The following HYAL4 variants were observed in gnomAD, a reference collection of about 807,000 sequenced individuals.
HYAL4 encodes the protein hyaluronidase 4, also known as hyaluronidase-4.
Under a neutral mutation model 35.2 loss-of-function variants are expected in HYAL4, and 37 were observed. That is an observed-to-expected ratio of 1.05 (90% CI 0.81 to 1.38). The LOEUF is 1.38. HYAL4 is among the 40% of genes most tolerant of loss of function. The probability of loss-of-function intolerance (pLI) is 0.00; values close to 1 mark genes in which losing one functional copy is unlikely to be tolerated. For synonymous variants in HYAL4, 198 were observed against 203.2 expected (o/e 0.97, Z 0.22); for missense variants, 572 against 572.4 (o/e 1.00, Z 0.01).
chr7:123,870,771 A>G (rs1011792647), intron 3 of HYAL4, among the ~76,000 whole-genome samples: 11 of 152,012 alleles, frequency 7.2e-5, no homozygotes, highest in African/African-American at 2.7e-4. Context: ...AAAAAAAAAA[A>G]AAAGAAAGAA....
the HYAL4 span, among the ~76,000 whole-genome samples, chr7:123,801,999 T>G: frequency 1.3e-5 from 2 of 152,144 alleles, no homozygotes; most frequent in East Asian, 3.9e-4. Flanking sequence ...AAAACACTTT[T>G]ATCTTTTCTT....
chr7:123,788,485 T>A, the HYAL4 span, among the ~76,000 whole-genome samples: 2 of 152,200 alleles, frequency 1.3e-5, no homozygotes, highest in Non-Finnish European at 2.9e-5. Context: ...TATGCTAAAT[T>A]GAAATTTTAA....
At chr7:123,764,015 C>T in the HYAL4 span, among the ~76,000 whole-genome samples, 1 of 152,218 alleles carries the variant, frequency 6.6e-6, no homozygotes, top group Admixed American at 6.5e-5. Context: ...GACAGTTTCA[C>T]TCCAATGCCC....
the HYAL4 span, among the ~76,000 whole-genome samples, chr7:123,782,259 C>G: frequency 6.6e-6 from 1 of 152,168 alleles, no homozygotes; most frequent in Non-Finnish European, 1.5e-5. Flanking sequence ...AATCATCTTC[C>G]TAACTGCTAA....
chr7:123,807,680 A>T, the HYAL4 span, among the ~76,000 whole-genome samples: 4 of 151,178 alleles, frequency 2.6e-5, no homozygotes, highest in African/African-American at 9.7e-5. Context: ...AACTTAGGTG[A>T]TCCACCTGCC....
chr7:123,784,150 A>G, the HYAL4 span, among the ~76,000 whole-genome samples: 12 of 152,216 alleles, frequency 7.9e-5, no homozygotes, highest in Non-Finnish European at 1.6e-4. Context: ...CTGGTATTTT[A>G]AAGTACGTCT....
At chr7:123,826,432 A>G (rs1239174737), upstream of HYAL4, among the ~76,000 whole-genome samples, 2 of 152,172 alleles carry the variant, frequency 1.3e-5, no homozygotes, top group Non-Finnish European at 2.9e-5. Flanking sequence ...GTGAAAGCCA[A>G]TGCCAAAATG....
chr7:123,841,254 T>C (rs1057468986), upstream of HYAL4, among the ~76,000 whole-genome samples: 35 of 151,990 alleles, frequency 2.3e-4, no homozygotes, highest in African/African-American at 8.2e-4. Flanking sequence ...ATCATATGGT[T>C]TTTGTCATTG....
At chr7:123,797,284 A>G in the HYAL4 span, among the ~76,000 whole-genome samples, 2 of 152,230 alleles carry the variant, frequency 1.3e-5, no homozygotes, top group Non-Finnish European at 2.9e-5. Flanking sequence ...AAGGTCTTCT[A>G]TTCTCTCATT....
intron 4 of HYAL4, among the ~76,000 whole-genome samples, chr7:123,875,315 A>T (rs1223791780): frequency 1.3e-5 from 2 of 152,188 alleles, no homozygotes; most frequent in Non-Finnish European, 2.9e-5. Context: ...TTAATTCTCC[A>T]CAATGAAGTT....
chr7:123,794,412 C>T, the HYAL4 span, among the ~76,000 whole-genome samples: 2 of 152,196 alleles, frequency 1.3e-5, no homozygotes, highest in African/African-American at 2.4e-5. Context: ...CAGGGCATGT[C>T]GAGACCTTTG....
At chr7:123,775,478 A>G in the HYAL4 span, among the ~76,000 whole-genome samples, 1 of 152,132 alleles carries the variant, frequency 6.6e-6, no homozygotes, top group Non-Finnish European at 1.5e-5. Context: ...GAGAGTTCCT[A>G]TTTTATATTC....
chr7:123,793,002 G>T, the HYAL4 span, among the ~76,000 whole-genome samples: 1 of 152,164 alleles, frequency 6.6e-6, no homozygotes, highest in Admixed American at 6.5e-5. Context: ...CCCTAGACTG[G>T]TGTGTGGATG....
intron 2 of HYAL4, among the ~76,000 whole-genome samples, chr7:123,849,286 C>CCTCTCT (rs554512342): frequency 1.4e-5 from 2 of 146,278 alleles, no homozygotes; most frequent in East Asian, 2.0e-4. Flanking sequence ...TCTCTCTCTC[C>CCTCTCT]CTCTCTCTCT....
chr7:123,829,741 A>G (rs903850164), intron 1 of HYAL4, among the ~76,000 whole-genome samples: 1 of 152,138 alleles, frequency 6.6e-6, no homozygotes, highest in Non-Finnish European at 1.5e-5. Flanking sequence ...CTGAGGTGGG[A>G]GGATCATTGA....
chr7:123,849,760 A>G (rs943180992), intron 2 of HYAL4, among the ~76,000 whole-genome samples: 2 of 152,084 alleles, frequency 1.3e-5, no homozygotes, highest in Non-Finnish European at 2.9e-5. Flanking sequence ...CCAGCTACTC[A>G]GGAGGCTGAG....
chr7:123,768,169 TCATC>T, the HYAL4 span, among the ~76,000 whole-genome samples: 2 of 152,310 alleles, frequency 1.3e-5, no homozygotes, highest in African/African-American at 4.8e-5. Context: ...GGCAGCCACT[TCATC>T]CATCCAGAAT....
the HYAL4 span, among the ~76,000 whole-genome samples, chr7:123,807,641 A>C: frequency 6.6e-6 from 1 of 151,646 alleles, no homozygotes; most frequent in Non-Finnish European, 1.5e-5. Context: ...GGTTTTCACC[A>C]TGTTGGTTAG....
chr7:123,877,047 C>T lies in HYAL4; in HGVS notation c.1338C>T (p.Cys446=). ...HCYQGYEGAD[C]REIKTADGCS... ...ATCAGGGATATGAAGGAGCTGATTG[C>T]AGAGAAATAAAGACGGCTGATGGCT... Residue 446 remains cysteine (C), a synonymous_variant, in exon 5 of 5, where the codon TGC becomes TGT. Transcript: ENST00000223026. The T allele has an allele frequency of 6.2e-7, 1 of 1,614,188 alleles. No homozygotes were observed. The highest frequency in any genetic ancestry group is 8.5e-7 in the Non-Finnish European group (1 of 1,180,026).
Sources: gnomAD v4.1 joint callset for allele counts (sites outside exome capture counted in the v4.1 genomes callset) on GRCh38, gnomAD v4.1.1 for gene constraint, MANE v1.5 for transcripts, NCBI Gene and HGNC (gene_info 2026-07-23, HGNC 2026-07-21) for gene names.